Variants in KMT2C observed in about 807,000 individuals in gnomAD.
KMT2C encodes the protein histone-lysine N-methyltransferase 2C.
KMT2C carries 88 observed loss-of-function variants against 507.9 expected under a neutral mutation model. The observed-to-expected ratio is 0.17, with a 90% CI of 0.15 to 0.21. KMT2C has a LOEUF of 0.21. Among genes scored for constraint, KMT2C ranks in the 10% least tolerant of loss-of-function variants. The probability of loss-of-function intolerance (pLI) is 1.00; values close to 1 mark genes in which losing one functional copy is unlikely to be tolerated. For missense variants in KMT2C, 4,954 were observed against 5,957.8 expected (o/e 0.83, Z 5.55); for synonymous variants, 2,049 against 2,080.8 (o/e 0.98, Z 0.42).
Position 152,308,290 on chromosome 7 carries a change from T to C in KMT2C, c.849+1676A>G, listed in dbSNP as rs576339086. Among the ~76,000 whole-genome samples the C allele has an allele frequency of 4.8e-4, 73 of 152,314 alleles. No individual in the cohort carries two copies. The Middle Eastern group carries it at 0.017, about 35-fold the overall frequency. On this transcript the variant is annotated intron_variant, in intron 6 of 58. Transcript: ENST00000262189. ...TTTTGAAAGCTTTGCCTATGTTCTA[T>C]CTATTAAAGCCCATATAGTTTCTAA... is the stretch of plus-strand genomic sequence containing the variant.
chr7:152,231,351 A>G lies in KMT2C; in HGVS notation c.2770-1030T>C, dbSNP rs183091600. 3.0e-3 allele frequency among the ~76,000 whole-genome samples: 463 copies of G among 152,374 alleles called. 2 individuals carry two copies. Among genetic ancestry groups the G allele is most frequent in the Middle Eastern group, 0.01 (3 of 294 alleles). ...AGAAGAAGACAAGGAGGGCATTGCC[A>G]AAATCATAAAATACAATCCTCTTTC... is the stretch of plus-strand genomic sequence containing the variant. On this transcript the variant is annotated intron_variant, in intron 16 of 58. Coordinates refer to ENST00000262189, the MANE Select transcript of KMT2C (RefSeq NM_170606.3).
chr7:152,249,829 T>A (rs111995194), intron 13 of KMT2C, 47 bp downstream of exon 13: 9 of 1,184,536 alleles, frequency 7.6e-6, no homozygotes, highest in African/African-American at 1.5e-5. Context: ...GATAAAGACA[T>A]TATCTTGTAA....
chr7:152,191,295 C>G (rs752709921), intron 31 of KMT2C, among the ~76,000 whole-genome samples: 1 of 151,992 alleles, frequency 6.6e-6, no homozygotes, highest in Non-Finnish European at 1.5e-5. Context: ...TTCATTGTAC[C>G]TCCACTACCT....
chr7:152,182,798 T>C (rs2093476901), intron 35 of KMT2C, among the ~76,000 whole-genome samples, 176 bp downstream of exon 35: 1 of 152,206 alleles, frequency 6.6e-6, no homozygotes, highest in Admixed American at 6.5e-5. Flanking sequence ...TTGTTTATAA[T>C]ATTTCAATAA....
intron 9 of KMT2C, among the ~76,000 whole-genome samples, chr7:152,259,635 T>C (rs1300540280): frequency 6.6e-6 from 1 of 152,092 alleles, no homozygotes; most frequent in African/African-American, 2.4e-5. Flanking sequence ...TAAAAACACA[T>C]AACATACCAA....
chr7:152,295,478 A>G (rs528544168), intron 6 of KMT2C, among the ~76,000 whole-genome samples: 1 of 152,330 alleles, frequency 6.6e-6, no homozygotes, highest in East Asian at 1.9e-4. Flanking sequence ...CCCTCTGTCT[A>G]GAATCCCTAT....
Position 152,151,335 on chromosome 7 carries a change from C to CA in KMT2C, c.12666+106dup, listed in dbSNP as rs1214326245. On this transcript the variant is annotated intron_variant, in intron 50 of 58. Coordinates refer to ENST00000262189, the MANE Select transcript of KMT2C (RefSeq NM_170606.3). ...GGTGCCATCACCAGGAACATGTGTC[C>CA]ATCACACCACCATAAGTGGTGTCTC... The CA allele has an allele frequency of 1.0e-5, 12 of 1,167,646 alleles. No homozygotes were observed. In the African/African-American group the frequency reaches 1.8e-4, roughly 18 times the overall value. The allele number at this position is 1,167,646 out of a possible 1,614,324, so 72.3% of individuals were successfully genotyped here.
intron 55 of KMT2C, among the ~76,000 whole-genome samples, chr7:152,142,007 G>A (rs368551250): frequency 6.6e-6 from 1 of 152,248 alleles, no homozygotes; most frequent in Admixed American, 6.5e-5. Context: ...GGGCGACACA[G>A]TGAGACCCTG....
In KMT2C at chr7:152,162,906, T is replaced by C; in HGVS notation, c.10671A>G (p.Leu3557=). 1 of 1,614,162 alleles carries C rather than the reference T, an allele frequency of 6.2e-7. No individual in the cohort carries two copies. The highest frequency in any genetic ancestry group is 8.5e-7 in the Non-Finnish European group (1 of 1,180,022). ...TATTAGCTACTGGAGGTGCTGCTGG[T>C]AAAGCAGGTGTAAAAGAAGGCCTCA... ...SPVRPSFTPA[L]PAAPPVANSS... Residue 3557 remains leucine, a synonymous_variant, in exon 43 of 59, where the codon TTA becomes TTG. Transcript: ENST00000262189.
Position 152,174,253 on chromosome 7 carries a change from A to T in KMT2C, c.9263-11T>A. 1 of 1,367,440 alleles carries T rather than the reference A, an allele frequency of 7.3e-7. No homozygotes were observed. Among genetic ancestry groups the T allele is most frequent in the Non-Finnish European group, 1.0e-6 (1 of 963,864 alleles). 84.7% of individuals were successfully genotyped at this position (1,367,440 alleles called of 1,614,324 possible). ...TAATTGCATCAAAATCTAGAAAAGA[A>T]ATATAAAGTTACTTATTTCATAGTA... On this transcript the variant is annotated splice_polypyrimidine_tract_variant and intron_variant, in intron 38 of 58. Coordinates refer to ENST00000262189, the MANE Select transcript of KMT2C (RefSeq NM_170606.3).
chr7:152,427,733 G>A (rs1025299994), intron 1 of KMT2C, among the ~76,000 whole-genome samples: 1 of 151,956 alleles, frequency 6.6e-6, no homozygotes, highest in Non-Finnish European at 1.5e-5. Context: ...ATTCCCATAC[G>A]CCATATTCTC....
chr7:152,402,059 G>A (rs2097578140), intron 1 of KMT2C, among the ~76,000 whole-genome samples: 1 of 152,252 alleles, frequency 6.6e-6, no homozygotes, highest in Non-Finnish European at 1.5e-5. Context: ...GCAGCAAGCC[G>A]AGATCGCGCC....
intron 14 of KMT2C, among the ~76,000 whole-genome samples, chr7:152,247,577 A>G (rs1297286585): frequency 2.6e-5 from 4 of 152,308 alleles, no homozygotes; most frequent in Non-Finnish European, 5.9e-5. Flanking sequence ...CCAAAACTAT[A>G]CTGTATTTTA....
Position 152,152,714 on chromosome 7 carries a change from T to C in KMT2C, c.12517A>G (p.Thr4173Ala), listed in dbSNP as rs2129097435. The change falls in exon 49 of 59, where the codon ACA (threonine) becomes GCA (alanine). Residue 4173 changes from threonine (T) to alanine (A), a missense_variant. Thr to Ala is a moderately conservative substitution (Grantham distance 58). This residue lies in a region of KMT2C where 417 missense variants were observed against 461.1 expected (regional missense o/e 0.90). Coordinates refer to ENST00000262189, the MANE Select transcript of KMT2C (RefSeq NM_170606.3). ...AAGCTCACTAGCTCACCATTGCTTG[T>C]TGGAGGAAATGGTACATTAGGCTGC... ...LKQPNVPFPP[T>A]SNGLSGYKDS... The C allele has an allele frequency of 6.2e-7, 1 of 1,613,910 alleles. No homozygotes were observed. Among genetic ancestry groups the C allele is most frequent in the Non-Finnish European group, 8.5e-7 (1 of 1,179,836 alleles).
At chr7:152,347,762 A>C (rs932557223) in intron 2 of KMT2C, among the ~76,000 whole-genome samples, 2 of 152,246 alleles carry the variant, frequency 1.3e-5, no homozygotes. Flanking sequence ...AAAACAGACA[A>C]GTATCTACAT....
At chr7:152,336,659 A>T (rs1455185796) in intron 2 of KMT2C, among the ~76,000 whole-genome samples, 7 of 152,214 alleles carry the variant, frequency 4.6e-5, no homozygotes, top group Admixed American at 3.9e-4. Context: ...ACCACTTTGC[A>T]GAGTTTTTGC....
At chr7:152,190,991 C>T (rs532278493) in intron 31 of KMT2C, among the ~76,000 whole-genome samples, 2 of 152,272 alleles carry the variant, frequency 1.3e-5, no homozygotes, top group African/African-American at 2.4e-5. Flanking sequence ...TTTACTTTCA[C>T]CTAACCTTTA....
At chr7:152,345,988 C>T (rs930380692) in intron 2 of KMT2C, among the ~76,000 whole-genome samples, 5 of 152,152 alleles carry the variant, frequency 3.3e-5, no homozygotes, top group African/African-American at 7.2e-5. Context: ...TAATTTCAGA[C>T]AGCTCAGATG....
At chr7:152,381,756 G>A (rs908439311) in intron 1 of KMT2C, among the ~76,000 whole-genome samples, 22 of 151,436 alleles carry the variant, frequency 1.5e-4, no homozygotes, top group Admixed American at 1.4e-3. Context: ...GACACTGACT[G>A]TTATCAAAAA....
Sources: gnomAD v4.1 joint callset for allele counts (sites outside exome capture counted in the v4.1 genomes callset) on GRCh38, gnomAD v4.1.1 for gene constraint, gnomAD v4.1.1 regional missense constraint, MANE v1.5 for transcripts, NCBI Gene and HGNC (gene_info 2026-07-23, HGNC 2026-07-21) for gene names.